The following DSC3 variants were observed in gnomAD, a reference collection of about 807,000 sequenced individuals.
The protein encoded by DSC3 is desmocollin-3.
In DSC3, 97 loss-of-function variants were observed where a neutral mutation model predicts 89.5. The observed-to-expected ratio is 1.08, with a 90% CI of 0.92 to 1.28. The LOEUF is 1.28. DSC3 is among the 50% of genes most tolerant of loss of function. DSC3 has a pLI of 0.00. For synonymous variants in DSC3, 436 were observed against 384.1 expected (o/e 1.14, Z -1.58); for missense variants, 1,199 against 1,085.3 (o/e 1.10, Z -1.47).
chr18:31,034,092 TG>T (rs1985893824), intron 1 of DSC3, among the ~76,000 whole-genome samples: 1 of 152,206 alleles, frequency 6.6e-6, no homozygotes, highest in Admixed American at 6.5e-5. Flanking sequence ...CCCAAAGTGC[TG>T]GGATTACAGG....
chr18:31,019,141 G>C (rs567685377), intron 7 of DSC3, among the ~76,000 whole-genome samples: 30 of 152,354 alleles, frequency 2.0e-4, no homozygotes, highest in Non-Finnish European at 3.8e-4. Context: ...CCGTCACCCA[G>C]GCTGGTGTGC....
chr18:31,036,765 A>G (rs1328912908), intron 1 of DSC3, among the ~76,000 whole-genome samples: 1 of 119,710 alleles, frequency 8.4e-6, no homozygotes, highest in Non-Finnish European at 1.8e-5. Flanking sequence ...TCACTTACTT[A>G]TGAATTATAT....
At chr18:31,012,722 A>G (rs919805844) in intron 9 of DSC3, among the ~76,000 whole-genome samples, 7 of 152,214 alleles carry the variant, frequency 4.6e-5, no homozygotes, top group East Asian at 1.9e-4. Flanking sequence ...AAAGAAGGAA[A>G]TAAATTAGTT....
intron 9 of DSC3, among the ~76,000 whole-genome samples, chr18:31,011,051 A>G (rs188307119): frequency 6.6e-6 from 1 of 152,352 alleles, no homozygotes; most frequent in Non-Finnish European, 1.5e-5. Context: ...ACAGAGGCCA[A>G]CTTTCCAAGA....
rs373508368 is a variant in DSC3 at position 31,007,152 on chromosome 18, T to C, written c.1664-21A>G. On this transcript the variant is annotated intron_variant, in intron 11 of 15. Transcript: ENST00000360428. ...ATCATCTAAGGAGACAGGAATAAGG[T>C]TTAGTGTTATTTTAAAATTCTTTCA... 20 of 1,554,652 alleles carry C rather than the reference T, an allele frequency of 1.3e-5. No individual in the cohort carries two copies. The African/African-American group carries it at 2.4e-4, about 19-fold the overall frequency.
intron 9 of DSC3, among the ~76,000 whole-genome samples, chr18:31,016,978 T>C (rs1250600429): frequency 6.6e-6 from 1 of 152,206 alleles, no homozygotes; most frequent in Non-Finnish European, 1.5e-5. Flanking sequence ...TTGTCTTGCA[T>C]TCTACTTTCT....
intron 5 of DSC3, among the ~76,000 whole-genome samples, chr18:31,024,956 T>A (rs538855551): frequency 6.6e-6 from 1 of 152,142 alleles, no homozygotes; most frequent in Non-Finnish European, 1.5e-5. Context: ...ACAAAATACA[T>A]GTACTAGTTT....
In DSC3 at chr18:30,989,753, T is replaced by C. The variant is rs1984169355; in HGVS notation, c.*4422A>G. Among the ~76,000 whole-genome samples the C allele has an allele frequency of 6.6e-6, 1 of 152,188 alleles. No homozygotes were observed. Among genetic ancestry groups the C allele is most frequent in the Non-Finnish European group, 1.5e-5 (1 of 68,024 alleles). On this transcript the variant is annotated 3_prime_UTR_variant, in exon 16 of 16. Coordinates refer to ENST00000360428, the MANE Select transcript of DSC3 (RefSeq NM_001941.5). Reference sequence around the variant, plus strand: ...GAATACTATTTAATTTTTCTGCCCATGAAACCAAGCCTAATTCTAAATAAT... The same window carrying C: ...GAATACTATTTAATTTTTCTGCCCACGAAACCAAGCCTAATTCTAAATAAT...
intron 12 of DSC3, among the ~76,000 whole-genome samples, chr18:31,006,426 A>C (rs951579492): frequency 6.6e-6 from 1 of 152,124 alleles, no homozygotes; most frequent in African/African-American, 2.4e-5. Context: ...CAGCCTCCCC[A>C]GTAGCTTGGA....
rs150126527 is a variant in DSC3 at position 31,039,684 on chromosome 18, C to T, written c.69+2908G>A. On this transcript the variant is annotated intron_variant, in intron 1 of 15. Transcript: ENST00000360428. ...GGAAAGTATGATTAACTACAGGTCACCACAGATACCATATATGGTACAGGA... is the reference window on the plus strand; with the variant it reads ...GGAAAGTATGATTAACTACAGGTCATCACAGATACCATATATGGTACAGGA... Among the ~76,000 whole-genome samples the T allele has an allele frequency of 3.3e-3, 496 of 152,180 alleles. 2 individuals carry two copies. The highest frequency in any genetic ancestry group is 0.012 in the African/African-American group (481 of 41,548).
At chr18:31,013,612 G>C (rs757983217) in intron 9 of DSC3, among the ~76,000 whole-genome samples, 1 of 152,072 alleles carries the variant, frequency 6.6e-6, no homozygotes, top group Non-Finnish European at 1.5e-5. Context: ...AACATAGAAA[G>C]CTGGCTAAAA....
chr18:31,025,194 G>A (rs940120006), intron 5 of DSC3, among the ~76,000 whole-genome samples: 20 of 152,060 alleles, frequency 1.3e-4, no homozygotes, highest in African/African-American at 4.8e-4. Context: ...TGACCTCACA[G>A]CATTTACCAT....
chr18:30,996,716 AT>A (rs1220288952), intron 15 of DSC3, 74 bp downstream of exon 15: 14 of 1,577,528 alleles, frequency 8.9e-6, no homozygotes, highest in Non-Finnish European at 1.2e-5. Flanking sequence ...CAGAAAATAT[AT>A]GTTAATTTGA....
At chr18:31,018,309 TAA>T in intron 8 of DSC3, 53 bp from the exon 9 acceptor site, 1 of 1,444,876 alleles carries the variant, frequency 6.9e-7, no homozygotes, top group Non-Finnish European at 9.4e-7. Flanking sequence ...TAGACAACTT[TAA>T]AAAAAAGTTT....
At chr18:31,034,566 C>G (rs1300043973) in intron 1 of DSC3, among the ~76,000 whole-genome samples, 2 of 152,144 alleles carry the variant, frequency 1.3e-5, no homozygotes, top group Non-Finnish European at 2.9e-5. Flanking sequence ...AAAAACTTGT[C>G]ATGAATATTC....
intron 3 of DSC3, among the ~76,000 whole-genome samples, chr18:31,029,932 G>C (rs545092391): frequency 1.3e-5 from 2 of 152,166 alleles, no homozygotes; most frequent in East Asian, 3.9e-4. Context: ...GTCCCAAATG[G>C]AGACATAGAA....
chr18:31,040,998 ATT>A (rs199560967), intron 1 of DSC3, among the ~76,000 whole-genome samples: 1 of 123,162 alleles, frequency 8.1e-6, no homozygotes, highest in African/African-American at 3.3e-5. Flanking sequence ...CAACGGAATT[ATT>A]TTAAAAAAAA....
chr18:31,005,301 G>T (rs1418989881), intron 12 of DSC3, among the ~76,000 whole-genome samples: 1 of 152,178 alleles, frequency 6.6e-6, no homozygotes, highest in Admixed American at 6.5e-5. Context: ...TGGAGCCATT[G>T]TCATGTCTCA....
rs1984763036 is a variant in DSC3, at chr18:31,004,276, G to C, written c.1979C>G (p.Ala660Gly). The C allele has an allele frequency of 6.2e-7, 1 of 1,613,862 alleles. No homozygotes were observed. The highest frequency in any genetic ancestry group is 1.7e-5 in the Admixed American group (1 of 59,974). The change falls in exon 13 of 16, where the codon GCA (alanine) becomes GGA (glycine). Residue 660 changes from alanine (A) to glycine (G), a missense_variant. Transcript: ENST00000360428. ...CAGATTAACTCTCAATAATTTTGTT[G>C]CAGCTTGGCCGGCCCTGTCTTTTAC... is the stretch of plus-strand genomic sequence containing the variant. ...ITVKDRAGQA[A>G]TKLLRVNLCE...
Sources: allele counts gnomAD v4.1 joint callset (sites outside exome capture counted in the v4.1 genomes callset), GRCh38; gene constraint gnomAD v4.1.1; transcripts MANE v1.5; gene names NCBI Gene and HGNC (gene_info 2026-07-23, HGNC 2026-07-21).